Variants in HOMER1 observed in about 807,000 individuals in gnomAD.
HOMER1 encodes homer protein homolog 1.
In HOMER1, 3 loss-of-function variants were observed where a neutral mutation model predicts 48.9. The observed-to-expected ratio is 0.06, with a 90% CI of 0.03 to 0.16. HOMER1 has a LOEUF of 0.16. HOMER1 is among the 10% of genes least tolerant of loss of function. The pLI, the probability that HOMER1 is intolerant of heterozygous loss-of-function variation, is 1.00. For synonymous variants in HOMER1, 134 were observed against 146.4 expected, an observed-to-expected ratio of 0.92 and a Z score of 0.61; for missense variants, 247 against 411.4, an observed-to-expected ratio of 0.60 and a Z score of 3.46.
intron 1 of HOMER1, among the ~76,000 whole-genome samples, chr5:79,510,062 A>G (rs980375991): frequency 1.3e-5 from 2 of 152,168 alleles, no homozygotes; most frequent in African/African-American, 4.8e-5. Context: ...TATTAGGCAT[A>G]AATACGCATA....
chr5:79,374,678 C>T lies in HOMER1; in HGVS notation c.*1331G>A, dbSNP rs1374001842. On this transcript the variant is annotated 3_prime_UTR_variant, in exon 9 of 9. Transcript: ENST00000334082. ...TATATGTACTCTGATGCAATTCCTA[C>T]TTTATAAGCAGACTAGACAGCACTT... is the stretch of plus-strand genomic sequence containing the variant. The T allele has an allele frequency of 6.6e-6, 1 of 152,034 alleles. No individual in the cohort carries two copies. The highest frequency in any genetic ancestry group is 1.9e-4 in the East Asian group (1 of 5,196). 9.4% of individuals were successfully genotyped at this position (152,034 alleles called of 1,614,324 possible). A position where few individuals can be genotyped will look rare whatever the true frequency, so the allele number is the denominator to read the frequency against.
At chr5:79,384,808 T>C (rs1285608106) in intron 8 of HOMER1, among the ~76,000 whole-genome samples, 1 of 152,002 alleles carries the variant, frequency 6.6e-6, no homozygotes. Flanking sequence ...CATAATCAAA[T>C]GGGATTTATA....
chr5:79,410,877 T>C (rs1051411647), intron 5 of HOMER1, among the ~76,000 whole-genome samples: 1 of 152,186 alleles, frequency 6.6e-6, no homozygotes, highest in South Asian at 2.1e-4. Context: ...CTCTGTTAAT[T>C]TGGTTTCTTT....
chr5:79,467,234 T>TA (rs1751491271), intron 1 of HOMER1, among the ~76,000 whole-genome samples: 1 of 151,376 alleles, frequency 6.6e-6, no homozygotes, highest in Admixed American at 6.6e-5. Flanking sequence ...CTACTAAAAA[T>TA]AAAAAAATTA....
intron 1 of HOMER1, among the ~76,000 whole-genome samples, chr5:79,509,478 G>A (rs2112386665): frequency 6.7e-6 from 1 of 148,818 alleles, no homozygotes. Flanking sequence ...CTGTCATTAT[G>A]AGATACTATT....
In HOMER1 at chr5:79,373,041, G is replaced by C. The variant is rs1748675101; in HGVS notation, c.*2968C>G. On this transcript the variant is annotated 3_prime_UTR_variant, in exon 9 of 9. Coordinates refer to ENST00000334082, the MANE Select transcript of HOMER1 (RefSeq NM_004272.5). ...GCATGTTTTAGTCTGCAGAAAGAAA[G>C]TGGAAAAGAGAAAGAGAGAGAGAGG... The C allele has an allele frequency of 6.6e-6, 1 of 152,088 alleles. No individual in the cohort carries two copies. The allele number at this position is 152,088 out of a possible 1,614,324, so 9.4% of individuals were successfully genotyped here.
At chr5:79,401,360 G>A (rs1749532948) in intron 6 of HOMER1, among the ~76,000 whole-genome samples, 3 of 152,094 alleles carry the variant, frequency 2.0e-5, no homozygotes, top group African/African-American at 2.4e-5. Context: ...TTTTACAGAT[G>A]AGAATACTGA....
chr5:79,419,116 A>T (rs1750027732), intron 5 of HOMER1, among the ~76,000 whole-genome samples: 1 of 151,492 alleles, frequency 6.6e-6, no homozygotes, highest in South Asian at 2.1e-4. Context: ...GGATGTCTAT[A>T]TTTTTTTTTA....
intron 5 of HOMER1, among the ~76,000 whole-genome samples, chr5:79,432,227 G>GT (rs1269404546): frequency 1.3e-5 from 2 of 152,180 alleles, no homozygotes; most frequent in Admixed American, 6.5e-5. Flanking sequence ...AAAACTGTCC[G>GT]TATCACCTAC....
At chr5:79,449,265 G>A (rs1013031668) in intron 3 of HOMER1, among the ~76,000 whole-genome samples, 1 of 151,986 alleles carries the variant, frequency 6.6e-6, no homozygotes, top group African/African-American at 2.4e-5. Context: ...AAAACACAAA[G>A]TTCTAAAAAG....
At chr5:79,498,680 G>C (rs897027589) in intron 1 of HOMER1, among the ~76,000 whole-genome samples, 5 of 152,078 alleles carry the variant, frequency 3.3e-5, no homozygotes, top group African/African-American at 1.2e-4. Flanking sequence ...TGAAAGCTCT[G>C]GGAAAAATAA....
chr5:79,499,629 AAAT>A (rs1752520690), intron 1 of HOMER1, among the ~76,000 whole-genome samples: 1 of 152,226 alleles, frequency 6.6e-6, no homozygotes, highest in African/African-American at 2.4e-5. Context: ...TACTACCATA[AAAT>A]AATACACAAA....
chr5:79,425,758 T>C (rs868181012), intron 5 of HOMER1, among the ~76,000 whole-genome samples: 2 of 152,014 alleles, frequency 1.3e-5, no homozygotes, highest in African/African-American at 2.4e-5. Flanking sequence ...CTAGTATCCA[T>C]TCTCTGTAAC....
chr5:79,470,227 G>A (rs1301574095), intron 1 of HOMER1, among the ~76,000 whole-genome samples: 1 of 152,044 alleles, frequency 6.6e-6, no homozygotes, highest in Non-Finnish European at 1.5e-5. Context: ...CACAATCCAG[G>A]GAGTCATGAT....
intron 8 of HOMER1, among the ~76,000 whole-genome samples, chr5:79,381,543 A>G (rs1748976165): frequency 6.6e-6 from 1 of 152,224 alleles, no homozygotes; most frequent in African/African-American, 2.4e-5. Context: ...AAAGAATTCA[A>G]ATTATTGATT....
At chr5:79,405,255 C>T (rs557010424) in intron 5 of HOMER1, among the ~76,000 whole-genome samples, 1 of 152,234 alleles carries the variant, frequency 6.6e-6, no homozygotes, top group South Asian at 2.1e-4. Context: ...ATCTACAAGA[C>T]GAGGAGAGAG....
intron 4 of HOMER1, among the ~76,000 whole-genome samples, chr5:79,443,890 CAT>C (rs1032833785): frequency 1.3e-5 from 2 of 152,122 alleles, no homozygotes; most frequent in African/African-American, 4.8e-5. Flanking sequence ...ATGTAATACT[CAT>C]GTTATAAATG....
intron 1 of HOMER1, among the ~76,000 whole-genome samples, chr5:79,483,137 A>G (rs1751993992): frequency 1.3e-5 from 2 of 152,344 alleles, no homozygotes; most frequent in South Asian, 2.1e-4. Context: ...GGGCAAAGGG[A>G]CATCATAATT....
chr5:79,393,141 A>AT (rs1234879337), intron 8 of HOMER1, among the ~76,000 whole-genome samples: 21 of 152,228 alleles, frequency 1.4e-4, no homozygotes, highest in African/African-American at 4.6e-4. Context: ...TAAAGAACTT[A>AT]TTTATGTAAC....
Sources: gnomAD v4.1 joint callset for allele counts (sites outside exome capture counted in the v4.1 genomes callset) on GRCh38, gnomAD v4.1.1 for gene constraint, MANE v1.5 for transcripts, NCBI Gene and HGNC (gene_info 2026-07-23, HGNC 2026-07-21) for gene names.